The following ATXN7L1 variants were observed in gnomAD, a reference collection of about 807,000 sequenced individuals.
ATXN7L1 encodes the protein ataxin 7 like 1.
Under a neutral mutation model 70.8 loss-of-function variants are expected in ATXN7L1, and 15 were observed. That is an observed-to-expected ratio of 0.21 (90% confidence interval 0.14 to 0.33). ATXN7L1 has a LOEUF of 0.33. Among genes scored for constraint, ATXN7L1 ranks in the 10% least tolerant of loss-of-function variants. The pLI is 1.00. For synonymous variants in ATXN7L1, 440 were observed against 445.1 expected (o/e 0.99, Z 0.14); for missense variants, 975 against 1,097.1 (o/e 0.89, Z 1.57).
intron 3 of ATXN7L1, among the ~76,000 whole-genome samples, chr7:105,692,084 G>A (rs1584745218): frequency 1.3e-5 from 2 of 152,258 alleles, no homozygotes; most frequent in South Asian, 2.1e-4. Context: ...TGAAGGAAAT[G>A]TAGATATTGG....
intron 10 of ATXN7L1, 27 bp from the exon 11 acceptor site, chr7:105,610,630 C>CA (rs1793059342): frequency 6.5e-7 from 1 of 1,545,742 alleles, no homozygotes; most frequent in Non-Finnish European, 8.7e-7. Flanking sequence ...AAGCCCCACT[C>CA]AGACACACGA....
At chr7:105,831,867 G>A (rs1811673057) in intron 2 of ATXN7L1, among the ~76,000 whole-genome samples, 1 of 152,108 alleles carries the variant, frequency 6.6e-6, no homozygotes, top group South Asian at 2.1e-4. Flanking sequence ...AAGCTTGGTG[G>A]GAACTCTGTA....
chr7:105,739,845 T>C (rs966652689), intron 3 of ATXN7L1, among the ~76,000 whole-genome samples: 1 of 152,220 alleles, frequency 6.6e-6, no homozygotes, highest in African/African-American at 2.4e-5. Context: ...TCTTTTCCTC[T>C]ACTATTCCAT....
chr7:105,864,465 A>AC (rs1817095343), intron 2 of ATXN7L1, among the ~76,000 whole-genome samples: 1 of 148,332 alleles, frequency 6.7e-6, no homozygotes, highest in Non-Finnish European at 1.5e-5. Context: ...TCAAAAAAAA[A>AC]AAAAAAAAAA....
chr7:105,621,108 C>T (rs983365032), intron 8 of ATXN7L1, among the ~76,000 whole-genome samples: 1 of 152,168 alleles, frequency 6.6e-6, no homozygotes, highest in Non-Finnish European at 1.5e-5. Flanking sequence ...TAAATGCCTT[C>T]GTTTCCCAGT....
intron 2 of ATXN7L1, among the ~76,000 whole-genome samples, chr7:105,798,650 C>A (rs2116509559): frequency 6.6e-6 from 1 of 152,338 alleles, no homozygotes; most frequent in South Asian, 2.1e-4. Flanking sequence ...GTTCCATTCA[C>A]AGTAGGAGCT....
rs78974265 is a variant in ATXN7L1, at chr7:105,850,429, C to T, written c.250+25383G>A. ...TGGCAACCAAAGGAAATGTTCACTG[C>T]GCATTTCCCATGGGCCATGCATTGA... On this transcript the variant is annotated intron_variant, in intron 2 of 11. Transcript: ENST00000419735. 0.01 allele frequency among the ~76,000 whole-genome samples: 1,540 copies of T among 152,332 alleles called. 54 individuals are homozygous for T. The East Asian group carries it at 0.11, about 11-fold the overall frequency.
chr7:105,734,044 C>T (rs566840293), intron 3 of ATXN7L1, among the ~76,000 whole-genome samples: 3 of 152,236 alleles, frequency 2.0e-5, no homozygotes, highest in East Asian at 1.9e-4. Context: ...GTATTTGGCA[C>T]ATCATCTTAT....
chr7:105,795,652 G>A (rs1805881438), intron 2 of ATXN7L1, among the ~76,000 whole-genome samples: 3 of 152,188 alleles, frequency 2.0e-5, no homozygotes, highest in Admixed American at 2.0e-4. Flanking sequence ...TCCAGGTGAA[G>A]CACCAGATGT....
At chr7:105,872,950 C>T (rs1039728165) in intron 2 of ATXN7L1, among the ~76,000 whole-genome samples, 2 of 151,726 alleles carry the variant, frequency 1.3e-5, no homozygotes, top group Non-Finnish European at 2.9e-5. Flanking sequence ...GTCAGGAGAT[C>T]GAGACCATCC....
chr7:105,647,932 A>G (rs1799294432), intron 4 of ATXN7L1, among the ~76,000 whole-genome samples: 1 of 152,224 alleles, frequency 6.6e-6, no homozygotes, highest in Non-Finnish European at 1.5e-5. Context: ...TGGCCCAATC[A>G]TACTCTACTG....
In ATXN7L1 at chr7:105,606,779, G is replaced by T. The variant is rs912196514; in HGVS notation, c.*1073C>A. 2 of 152,202 alleles carry T rather than the reference G, an allele frequency of 1.3e-5. No individual in the cohort carries two copies. The highest frequency in any genetic ancestry group is 4.8e-5 in the African/African-American group (2 of 41,424). The allele number at this position is 152,202 out of a possible 1,614,324, so 9.4% of individuals were successfully genotyped here. A position where few individuals can be genotyped will look rare whatever the true frequency, so the allele number is the denominator to read the frequency against. ...AGTCCCTGTGGCCCAGGGCATGGGGGTGGGTGGGAAATGCTATTATTTATT... is the reference window on the plus strand; with the variant it reads ...AGTCCCTGTGGCCCAGGGCATGGGGTTGGGTGGGAAATGCTATTATTTATT... On this transcript the variant is annotated 3_prime_UTR_variant, in exon 12 of 12. Coordinates refer to ENST00000419735, the MANE Select transcript of ATXN7L1 (RefSeq NM_020725.2).
intron 2 of ATXN7L1, among the ~76,000 whole-genome samples, chr7:105,791,493 G>C (rs1453339460): frequency 6.6e-6 from 1 of 152,188 alleles, no homozygotes; most frequent in Non-Finnish European, 1.5e-5. Context: ...TAGAGCCGCG[G>C]AGATGACCCT....
chr7:105,646,696 G>T (rs994358010), intron 4 of ATXN7L1, among the ~76,000 whole-genome samples: 1 of 149,742 alleles, frequency 6.7e-6, no homozygotes, highest in Non-Finnish European at 1.5e-5. Flanking sequence ...GGGATTACAG[G>T]CATGAGCCAC....
chr7:105,733,881 T>TCTATGCTTC (rs761267437), intron 3 of ATXN7L1, among the ~76,000 whole-genome samples: 4 of 71,442 alleles, frequency 5.6e-5, no homozygotes, highest in Non-Finnish European at 8.6e-5. Flanking sequence ...CATCCATCCA[T>TCTATGCTTC]CATCCATCAT....
chr7:105,831,225 G>A (rs891433156), intron 2 of ATXN7L1, among the ~76,000 whole-genome samples: 1 of 152,310 alleles, frequency 6.6e-6, no homozygotes, highest in African/African-American at 2.4e-5. Context: ...CTGGTTACAT[G>A]AAGAATTCTA....
chr7:105,683,936 G>T (rs764147860), intron 3 of ATXN7L1, among the ~76,000 whole-genome samples: 5 of 152,182 alleles, frequency 3.3e-5, no homozygotes, highest in Non-Finnish European at 5.9e-5. Flanking sequence ...ACTCTCAACA[G>T]GCAAGAAAAA....
chr7:105,643,143 A>C, intron 4 of ATXN7L1, 22 bp from the exon 5 acceptor site: 1 of 1,490,932 alleles, frequency 6.7e-7, no homozygotes, highest in Non-Finnish European at 9.0e-7. Context: ...ATGAACAAAC[A>C]CACACAATTG....
chr7:105,685,451 T>A (rs552482557), intron 3 of ATXN7L1, among the ~76,000 whole-genome samples: 1 of 152,298 alleles, frequency 6.6e-6, no homozygotes, highest in African/African-American at 2.4e-5. Flanking sequence ...GAGGAACAGG[T>A]CTTTCAGCAC....
Sources: allele counts gnomAD v4.1 joint callset (sites outside exome capture counted in the v4.1 genomes callset), GRCh38; gene constraint gnomAD v4.1.1; transcripts MANE v1.5; gene names NCBI Gene and HGNC (gene_info 2026-07-23, HGNC 2026-07-21).